Variants in TMEM108 observed in about 807,000 individuals in gnomAD.
The protein encoded by TMEM108 is transmembrane protein 108, also known as cancer/testis antigen 124.
A neutral mutation model predicts 35.1 loss-of-function variants in TMEM108; 12 were observed. The ratio of observed to expected loss-of-function variants is 0.34; its 90% CI spans 0.22 to 0.55. The LOEUF is 0.55. Among genes scored for constraint, TMEM108 ranks in the 20% least tolerant of loss-of-function variants. The probability of loss-of-function intolerance (pLI) is 0.89; values close to 1 mark genes in which losing one functional copy is unlikely to be tolerated. For synonymous variants in TMEM108, 287 were observed against 308.6 expected, an observed-to-expected ratio of 0.93 and a Z score of 0.73; for missense variants, 680 against 753.3, an observed-to-expected ratio of 0.90 and a Z score of 1.14.
intron 3 of TMEM108, among the ~76,000 whole-genome samples, chr3:133,310,624 C>T (rs1308126415): frequency 7.5e-6 from 1 of 132,736 alleles, no homozygotes; most frequent in Non-Finnish European, 1.5e-5. Context: ...TGTCTCTGCA[C>T]ATTGAGGTGG....
At chr3:133,393,923 A>G (rs1003395023) in intron 5 of TMEM108, among the ~76,000 whole-genome samples, 7 of 152,226 alleles carry the variant, frequency 4.6e-5, no homozygotes, top group Non-Finnish European at 1.0e-4. Flanking sequence ...GGGCTGCCCC[A>G]GCCAGTCGTG....
At chr3:133,304,740 A>G (rs1947277658) in intron 3 of TMEM108, among the ~76,000 whole-genome samples, 1 of 152,142 alleles carries the variant, frequency 6.6e-6, no homozygotes, top group African/African-American at 2.4e-5. Flanking sequence ...TTGTTCACCT[A>G]TTCACTAGGC....
rs987376585 is a variant in TMEM108 at position 133,377,998 on chromosome 3, C to G, written c.41-1754C>G. On this transcript the variant is annotated intron_variant, in intron 3 of 5. Coordinates refer to ENST00000321871, the MANE Select transcript of TMEM108 (RefSeq NM_023943.4). ...AGAGTTTCATCCCAAAACCATACCCCCCCCGACCAACTCCAGTCCATGGAA... is the reference window on the plus strand; with the variant it reads ...AGAGTTTCATCCCAAAACCATACCCGCCCCGACCAACTCCAGTCCATGGAA... Among the ~76,000 whole-genome samples, 19 of 152,274 alleles carry G rather than the reference C, an allele frequency of 1.2e-4. No homozygotes were observed. In the East Asian group the frequency reaches 1.9e-3, roughly 15 times the overall value.
intron 2 of TMEM108, among the ~76,000 whole-genome samples, chr3:133,168,348 CT>C (rs1945075043): frequency 6.6e-6 from 1 of 152,094 alleles, no homozygotes; most frequent in African/African-American, 2.4e-5. Flanking sequence ...GGGCTCACAT[CT>C]AGTGAGGGCC....
chr3:133,370,913 T>C (rs1431569043), intron 3 of TMEM108, among the ~76,000 whole-genome samples: 1 of 139,516 alleles, frequency 7.2e-6, no homozygotes, highest in African/African-American at 2.9e-5. Context: ...TGTGTGTGTG[T>C]GTGTGTGTGC....
chr3:133,177,366 A>G (rs1487292738), intron 2 of TMEM108, among the ~76,000 whole-genome samples: 1 of 152,214 alleles, frequency 6.6e-6, no homozygotes, highest in Non-Finnish European at 1.5e-5. Flanking sequence ...CAACAAAAAA[A>G]GAGAATTTTA....
At position 133,380,204 on chromosome 3, in the gene TMEM108, C is replaced by T. The variant is rs1258822017; in HGVS notation, c.493C>T (p.Pro165Ser). ...GCCCCCCCGCACTACCACACGCAGG[C>T]CCCCCAGGCCCCCAGGCTCTTCCCG... is the stretch of plus-strand genomic sequence containing the variant. Reference protein sequence around the residue: ...TAPPRTTTRRPPRPPGSSRKG... With the variant: ...TAPPRTTTRRSPRPPGSSRKG... The change falls in exon 4 of 6, where the codon CCC (proline) becomes TCC (serine). Residue 165 changes from proline to serine, a missense_variant. Pro to Ser is a moderately conservative substitution (Grantham distance 74, BLOSUM62 -1). Transcript: ENST00000321871. This position sits in a 1 kb window ranked among gnomAD's most constrained non-coding sequence, Gnocchi z 5.3. The T allele has an allele frequency of 8.1e-6, 13 of 1,609,992 alleles. No homozygotes were observed. The highest frequency in any genetic ancestry group is 1.0e-5 in the Non-Finnish European group (12 of 1,177,780).
chr3:133,177,160 T>A (rs1945245218), intron 2 of TMEM108, among the ~76,000 whole-genome samples: 1 of 152,184 alleles, frequency 6.6e-6, no homozygotes, highest in Non-Finnish European at 1.5e-5. Flanking sequence ...GCTCTGAAAT[T>A]GAGGCAATAA....
At chr3:133,376,138 A>G (rs1230714029) in intron 3 of TMEM108, among the ~76,000 whole-genome samples, 1 of 152,252 alleles carries the variant, frequency 6.6e-6, no homozygotes, top group Admixed American at 6.5e-5. Flanking sequence ...TGTATCTTAC[A>G]GCACCAAGGA....
chr3:133,171,487 C>G (rs1406163061), intron 2 of TMEM108, among the ~76,000 whole-genome samples: 1 of 152,120 alleles, frequency 6.6e-6, no homozygotes, highest in Non-Finnish European at 1.5e-5. Context: ...AGTGATTCTC[C>G]TGCCTCAGTG....
At chr3:133,257,014 C>G (rs1427020078) in intron 3 of TMEM108, 1 of 152,186 alleles carries the variant, frequency 6.6e-6, no homozygotes, top group African/African-American at 2.4e-5. Flanking sequence ...GGAAACAGTG[C>G]CTGTACTTAC....
chr3:133,370,921 T>TGCGCGC (rs1553770123), intron 3 of TMEM108, among the ~76,000 whole-genome samples: 1 of 139,290 alleles, frequency 7.2e-6, no homozygotes, highest in African/African-American at 2.6e-5. Context: ...TGTGTGTGTG[T>TGCGCGC]GCCAGGAAGC....
chr3:133,231,672 A>C (rs967057079), intron 3 of TMEM108, among the ~76,000 whole-genome samples: 1 of 152,210 alleles, frequency 6.6e-6, no homozygotes, highest in Admixed American at 6.5e-5. Context: ...ATTAGGCTTC[A>C]CTTCTCAAAG....
intron 3 of TMEM108, among the ~76,000 whole-genome samples, chr3:133,284,206 G>A (rs933051796): frequency 4.6e-5 from 7 of 152,290 alleles, no homozygotes; most frequent in Admixed American, 2.6e-4. Context: ...CCCCTGCAGG[G>A]CATGTCATGT....
chr3:133,386,511 T>G, intron 4 of TMEM108: 1 of 1,534,984 alleles, frequency 6.5e-7, no homozygotes, highest in Non-Finnish European at 8.7e-7. Flanking sequence ...CCCCTCTTCT[T>G]CCTGTCACAC....
At chr3:133,316,208 C>T (rs1708389) in intron 3 of TMEM108, among the ~76,000 whole-genome samples, 77,666 of 151,994 alleles carry the variant, frequency 0.51, 21,204 homozygotes, top group East Asian at 0.86. Context: ...AAATGAAATA[C>T]GTACCCCACA....
At chr3:133,236,325 G>A (rs537577986) in intron 3 of TMEM108, among the ~76,000 whole-genome samples, 31 of 152,180 alleles carry the variant, frequency 2.0e-4, no homozygotes, top group African/African-American at 7.0e-4. Flanking sequence ...TTAGGAAAAG[G>A]AGGGGAAGAA....
intron 2 of TMEM108, among the ~76,000 whole-genome samples, chr3:133,105,916 TC>T (rs1173084763): frequency 1.3e-5 from 2 of 152,182 alleles, no homozygotes; most frequent in Non-Finnish European, 2.9e-5. Flanking sequence ...CAAAGAGGTC[TC>T]CCGGTCTCTT....
intron 2 of TMEM108, among the ~76,000 whole-genome samples, chr3:133,196,227 C>G (rs1372008603): frequency 6.6e-6 from 1 of 152,132 alleles, no homozygotes; most frequent in Non-Finnish European, 1.5e-5. Flanking sequence ...TCCTGATACC[C>G]TGTGATACAA....
Sources: allele counts gnomAD v4.1 joint callset (sites outside exome capture counted in the v4.1 genomes callset), GRCh38; gene constraint gnomAD v4.1.1; non-coding constraint Gnocchi (gnomAD v3.1); transcripts MANE v1.5; gene names NCBI Gene and HGNC (gene_info 2026-07-23, HGNC 2026-07-21).